Variants in INPP4B observed in about 807,000 individuals in gnomAD.
INPP4B encodes inositol polyphosphate-4-phosphatase type II B.
In INPP4B, 55 loss-of-function variants were observed where a neutral mutation model predicts 122.5. That is an observed-to-expected ratio of 0.45 (90% confidence interval 0.36 to 0.56). INPP4B has a LOEUF of 0.56. Among genes scored for constraint, INPP4B ranks in the 20% least tolerant of loss-of-function variants. The pLI is 0.00. For missense variants in INPP4B, 1,000 were observed against 1,097.7 expected (o/e 0.91, Z 1.26); for synonymous variants, 403 against 388.7 (o/e 1.04, Z -0.43).
rs143836416 is a variant in INPP4B at position 142,466,611 on chromosome 4, T to C, written c.-190-3885A>G. On this transcript the variant is annotated intron_variant, in intron 2 of 25. Coordinates refer to ENST00000262992, the MANE Select transcript of INPP4B (RefSeq NM_001101669.3). The stretch of plus-strand genomic sequence containing the variant: ...GAAAAAGCATTTTTGAGAAAATGTA[T>C]TGAAGCAGGCTGCAGAGCAACTACT... Among the ~76,000 whole-genome samples, 36 of 152,306 alleles carry C rather than the reference T, an allele frequency of 2.4e-4. 1 individual carries two copies. Among genetic ancestry groups the C allele is most frequent in the African/African-American group, 6.7e-4 (28 of 41,576 alleles).
intron 24 of INPP4B, 59 bp from the exon 25 acceptor site, chr4:142,082,244 C>T (rs780274372): frequency 8.7e-6 from 12 of 1,384,716 alleles, no homozygotes; most frequent in Non-Finnish European, 1.1e-5. Flanking sequence ...AAAGTGTCGG[C>T]CTCCTCCAAA....
intron 2 of INPP4B, among the ~76,000 whole-genome samples, chr4:142,644,303 GAGA>G (rs1028252182): frequency 1.3e-5 from 2 of 151,364 alleles, no homozygotes; most frequent in African/African-American, 4.9e-5. Flanking sequence ...GGAAGAGGAG[GAGA>G]AGGAGGAGGA....
intron 24 of INPP4B, 80 bp downstream of exon 24, chr4:142,086,064 G>T: frequency 1.1e-6 from 1 of 924,848 alleles, no homozygotes; most frequent in Non-Finnish European, 1.8e-6. Flanking sequence ...TGCAGAGGTT[G>T]GACCCTGCAC....
At chr4:142,604,280 T>A (rs1180870189) in intron 2 of INPP4B, among the ~76,000 whole-genome samples, 2 of 152,098 alleles carry the variant, frequency 1.3e-5, no homozygotes, top group African/African-American at 2.4e-5. Flanking sequence ...TCATGCTGAA[T>A]GGAAAAAGTT....
chr4:142,669,573 T>C (rs1300066368), intron 2 of INPP4B, among the ~76,000 whole-genome samples: 1 of 152,192 alleles, frequency 6.6e-6, no homozygotes, highest in Non-Finnish European at 1.5e-5. Flanking sequence ...CACAGTTCTT[T>C]AATAAGTGGT....
At chr4:142,299,507 C>G (rs1352881380) in intron 9 of INPP4B, among the ~76,000 whole-genome samples, 1 of 149,348 alleles carries the variant, frequency 6.7e-6, no homozygotes, top group Non-Finnish European at 1.5e-5. Flanking sequence ...GCTTTTAGGT[C>G]TTATGAAGTT....
chr4:142,778,989 T>A (rs1008873541), intron 1 of INPP4B, among the ~76,000 whole-genome samples: 5 of 152,102 alleles, frequency 3.3e-5, no homozygotes, highest in South Asian at 2.1e-4. Context: ...AATATAGGAA[T>A]CAATGTAGCT....
intron 2 of INPP4B, among the ~76,000 whole-genome samples, chr4:142,510,888 C>T (rs1824624637): frequency 6.6e-6 from 1 of 152,070 alleles, no homozygotes; most frequent in African/African-American, 2.4e-5. Context: ...TTTAAATCAC[C>T]AAACTAAAAT....
chr4:142,831,581 G>A (rs1209007899), intron 1 of INPP4B, among the ~76,000 whole-genome samples: 2 of 152,162 alleles, frequency 1.3e-5, no homozygotes, highest in Non-Finnish European at 2.9e-5. Flanking sequence ...TAAAGAACAT[G>A]GTACCTACAG....
At chr4:142,071,815 A>G (rs975361267) in intron 25 of INPP4B, among the ~76,000 whole-genome samples, 4 of 152,236 alleles carry the variant, frequency 2.6e-5, no homozygotes, top group Non-Finnish European at 5.9e-5. Flanking sequence ...TACAATGGCA[A>G]TCATTAAAAA....
intron 7 of INPP4B, among the ~76,000 whole-genome samples, chr4:142,388,340 G>C (rs1343893325): frequency 6.6e-6 from 1 of 152,072 alleles, no homozygotes; most frequent in African/African-American, 2.4e-5. Context: ...TATTTAAAAG[G>C]CCTATGTTCT....
At chr4:142,170,411 C>T (rs180799478) in intron 16 of INPP4B, among the ~76,000 whole-genome samples, 162 of 151,712 alleles carry the variant, frequency 1.1e-3, no homozygotes, top group African/African-American at 3.7e-3. Context: ...TCCCTGCCCC[C>T]ACATTTGTTT....
intron 17 of INPP4B, among the ~76,000 whole-genome samples, chr4:142,152,654 G>A (rs1184222651): frequency 6.6e-6 from 1 of 151,672 alleles, no homozygotes; most frequent in Non-Finnish European, 1.5e-5. Flanking sequence ...AGTGCAGTGG[G>A]GTGATCATAG....
intron 1 of INPP4B, among the ~76,000 whole-genome samples, chr4:142,746,104 A>G (rs1378064332): frequency 1.3e-5 from 2 of 152,162 alleles, no homozygotes; most frequent in South Asian, 2.1e-4. Flanking sequence ...CCTAATTAGT[A>G]GTTATAGAAT....
intron 16 of INPP4B, among the ~76,000 whole-genome samples, chr4:142,163,822 A>G (rs1370701859): frequency 6.6e-6 from 1 of 151,804 alleles, no homozygotes; most frequent in Non-Finnish European, 1.5e-5. Context: ...AGTCATGGAA[A>G]GGATGTGACC....
chr4:142,171,590 G>A (rs1825662736), intron 16 of INPP4B, among the ~76,000 whole-genome samples: 1 of 151,752 alleles, frequency 6.6e-6, no homozygotes, highest in Admixed American at 6.6e-5. Context: ...TAAACCATGA[G>A]ATACTAACAG....
intron 7 of INPP4B, among the ~76,000 whole-genome samples, chr4:142,387,274 G>A (rs1796257110): frequency 6.6e-6 from 1 of 152,128 alleles, no homozygotes; most frequent in East Asian, 1.9e-4. Context: ...GGTAGGAAAT[G>A]TCATTGGCTA....
At chr4:142,112,391 C>T (rs998163031) in intron 22 of INPP4B, 151 bp downstream of exon 22, 1 of 833,956 alleles carries the variant, frequency 1.2e-6, no homozygotes, top group Non-Finnish European at 1.8e-6. Context: ...TGAAAATTTA[C>T]CTTCTATCTC....
At chr4:142,599,740 C>T (rs1260956320) in intron 2 of INPP4B, among the ~76,000 whole-genome samples, 3 of 151,568 alleles carry the variant, frequency 2.0e-5, no homozygotes, top group Non-Finnish European at 4.4e-5. Context: ...ACAAAAAAAT[C>T]TCAGTAAGAT....
Sources: allele counts gnomAD v4.1 joint callset (sites outside exome capture counted in the v4.1 genomes callset), GRCh38; gene constraint gnomAD v4.1.1; transcripts MANE v1.5; gene names NCBI Gene and HGNC (gene_info 2026-07-23, HGNC 2026-07-21).